PARD3: variants seen among roughly 807,000 people sequenced by gnomAD.
PARD3 encodes par-3 family cell polarity regulator, also known as partitioning defective 3 homolog.
PARD3 carries 75 observed loss-of-function variants against 155.4 expected under a neutral mutation model. The ratio of observed to expected loss-of-function variants is 0.48; its 90% CI spans 0.40 to 0.58. The LOEUF is 0.58. Ranked by LOEUF, PARD3 falls within the 20% of genes least tolerant of loss-of-function variation. PARD3 has a pLI of 0.00. For synonymous variants in PARD3, 576 were observed against 610.5 expected (o/e 0.94, Z 0.83); for missense variants, 1,642 against 1,721.7 (o/e 0.95, Z 0.82).
chr10:34,442,460 C>A (rs533337867), intron 5 of PARD3, among the ~76,000 whole-genome samples: 138 of 152,308 alleles, frequency 9.1e-4, no homozygotes, highest in African/African-American at 2.9e-3. Context: ...AATATAGGCA[C>A]TGAGGGGAGC....
At chr10:34,210,743 T>C (rs181799619) in intron 22 of PARD3, among the ~76,000 whole-genome samples, 231 of 152,242 alleles carry the variant, frequency 1.5e-3, no homozygotes, top group African/African-American at 5.1e-3. Context: ...TCTCAGGAAA[T>C]AGGGTGTCTG....
chr10:34,438,064 G>C (rs2076277083), intron 5 of PARD3, among the ~76,000 whole-genome samples: 2 of 152,126 alleles, frequency 1.3e-5, no homozygotes, highest in South Asian at 4.2e-4. Flanking sequence ...TGGAGAGCCA[G>C]GTGGCTTTCC....
At chr10:34,278,439 G>A (rs960784226) in intron 21 of PARD3, among the ~76,000 whole-genome samples, 1 of 152,044 alleles carries the variant, frequency 6.6e-6, no homozygotes, top group South Asian at 2.1e-4. Flanking sequence ...ATCTGATATG[G>A]TTTGGCTGTG....
intron 1 of PARD3, among the ~76,000 whole-genome samples, chr10:34,797,538 T>C (rs544660529): frequency 1.3e-5 from 2 of 152,278 alleles, no homozygotes; most frequent in African/African-American, 4.8e-5. Flanking sequence ...TACTGCTCCA[T>C]CCAATAAAAA....
At chr10:34,240,086 GTTGT>G (rs975381789) in intron 22 of PARD3, among the ~76,000 whole-genome samples, 2 of 152,128 alleles carry the variant, frequency 1.3e-5, no homozygotes, top group African/African-American at 4.8e-5. Flanking sequence ...ATTCCTTTAG[GTTGT>G]TTAAGGCACA....
intron 2 of PARD3, among the ~76,000 whole-genome samples, chr10:34,669,905 G>A (rs1176309994): frequency 1.3e-5 from 2 of 152,148 alleles, no homozygotes; most frequent in Middle Eastern, 3.2e-3. Flanking sequence ...CTACTAGGAA[G>A]AATAAAAATA....
intron 2 of PARD3, among the ~76,000 whole-genome samples, chr10:34,573,923 G>T (rs1257101024): frequency 6.6e-6 from 1 of 152,102 alleles, no homozygotes; most frequent in Non-Finnish European, 1.5e-5. Context: ...CATTGTGAAG[G>T]CATTTGTTTC....
chr10:34,339,982 C>T (rs1836626499), intron 16 of PARD3, among the ~76,000 whole-genome samples: 1 of 152,092 alleles, frequency 6.6e-6, no homozygotes, highest in East Asian at 1.9e-4. Flanking sequence ...CTTTTGTTTT[C>T]ATAGCATTTT....
At chr10:34,378,402 C>A (rs770128761) in intron 9 of PARD3, among the ~76,000 whole-genome samples, 12 of 152,058 alleles carry the variant, frequency 7.9e-5, no homozygotes, top group Non-Finnish European at 1.3e-4. Context: ...CAATGTAAAT[C>A]TTTGAATAGG....
At chr10:34,805,220 G>C (rs2134370286) in intron 1 of PARD3, among the ~76,000 whole-genome samples, 1 of 152,184 alleles carries the variant, frequency 6.6e-6, no homozygotes, top group Middle Eastern at 3.4e-3. Context: ...AGCCAGGTGT[G>C]GTGGCAGGCG....
intron 22 of PARD3, among the ~76,000 whole-genome samples, chr10:34,222,385 C>T (rs1270048608): frequency 1.3e-5 from 2 of 152,162 alleles, no homozygotes; most frequent in South Asian, 2.1e-4. Context: ...TTTCCCCTTG[C>T]CCTGCAGAAA....
rs1237907450 is a variant in PARD3, at chr10:34,269,702, G to A, written c.3374C>T (p.Ala1125Val). Residue 1125 changes from alanine (A) to valine (V), a missense_variant, in exon 22 of 25, where the codon GCC becomes GTC. This residue lies in a region of PARD3 where 1,529 missense variants were observed against 1,587.3 expected (regional missense o/e 0.96). Transcript: ENST00000374788. ...REGHMMDALY[A>V]QVKKPRNSKP... ...GGAATTCCGCGGCTTCTTGACTTGGGCATACAAAGCATCCATCATATGCCC... is the reference window on the plus strand; with the variant it reads ...GGAATTCCGCGGCTTCTTGACTTGGACATACAAAGCATCCATCATATGCCC... 5.0e-6 allele frequency: 8 copies of A among 1,614,030 alleles called. No homozygotes were observed. The highest frequency in any genetic ancestry group is 6.8e-6 in the Non-Finnish European group (8 of 1,179,960).
At chr10:34,727,811 C>G (rs539289077) in intron 1 of PARD3, among the ~76,000 whole-genome samples, 17 of 131,932 alleles carry the variant, frequency 1.3e-4, no homozygotes, top group African/African-American at 4.1e-4. Context: ...CCCCCTCCCT[C>G]CACCACACAC....
At chr10:34,115,735 C>T (rs11009650) in intron 24 of PARD3, among the ~76,000 whole-genome samples, 31,860 of 147,002 alleles carry the variant, frequency 0.22, 3,617 homozygotes, top group Middle Eastern at 0.32. Flanking sequence ...TTCTTTGAGA[C>T]GGAGTTTTGC....
At chr10:34,571,958 C>G (rs750674448) in intron 2 of PARD3, among the ~76,000 whole-genome samples, 11 of 152,106 alleles carry the variant, frequency 7.2e-5, no homozygotes, top group Non-Finnish European at 1.5e-5. Context: ...TTATTATGCT[C>G]TATCTGGTAA....
chr10:34,748,208 G>A (rs776447388), intron 1 of PARD3, among the ~76,000 whole-genome samples: 6 of 152,172 alleles, frequency 3.9e-5, no homozygotes, highest in Non-Finnish European at 7.3e-5. Flanking sequence ...GGTGGCTCAC[G>A]CCTGTAATCC....
intron 2 of PARD3, among the ~76,000 whole-genome samples, chr10:34,615,023 A>C (rs1242807185): frequency 6.6e-6 from 1 of 151,910 alleles, no homozygotes; most frequent in Non-Finnish European, 1.5e-5. Flanking sequence ...CTAAAAATAC[A>C]AAAAAAACTT....
At chr10:34,275,645 T>G (rs975955982) in intron 21 of PARD3, among the ~76,000 whole-genome samples, 1 of 152,240 alleles carries the variant, frequency 6.6e-6, no homozygotes, top group African/African-American at 2.4e-5. Flanking sequence ...TTGCATGTTA[T>G]GTATTTCCAC....
intron 22 of PARD3, among the ~76,000 whole-genome samples, chr10:34,221,318 A>G (rs1263767805): frequency 1.3e-5 from 2 of 151,468 alleles, no homozygotes; most frequent in African/African-American, 2.4e-5. Context: ...GGACCAGGGA[A>G]GCCTGGGAGT....
Sources: allele counts gnomAD v4.1 joint callset (sites outside exome capture counted in the v4.1 genomes callset), GRCh38; gene constraint gnomAD v4.1.1; regional missense constraint gnomAD v4.1.1; transcripts MANE v1.5; gene names NCBI Gene and HGNC (gene_info 2026-07-23, HGNC 2026-07-21).